The following UBA3 variants were observed in gnomAD, a reference collection of about 807,000 sequenced individuals.
The protein encoded by UBA3 is NEDD8-activating enzyme E1 catalytic subunit.
A neutral mutation model predicts 73.5 loss-of-function variants in UBA3; 26 were observed. The ratio of observed to expected loss-of-function variants is 0.35; its 90% CI spans 0.26 to 0.49. The LOEUF is 0.49. Among genes scored for constraint, UBA3 ranks in the 20% least tolerant of loss-of-function variants. The pLI, the probability that UBA3 is intolerant of heterozygous loss-of-function variation, is 0.98. For synonymous variants in UBA3, 217 were observed against 191.2 expected (o/e 1.13, Z -1.11); for missense variants, 495 against 555.6 (o/e 0.89, Z 1.10).
At chr3:69,074,735 T>C (rs1217759575) in intron 4 of UBA3, among the ~76,000 whole-genome samples, 3 of 152,200 alleles carry the variant, frequency 2.0e-5, no homozygotes, top group African/African-American at 7.2e-5. Flanking sequence ...AGAAAGCGAC[T>C]TTGTGATTAG....
intron 6 of UBA3, among the ~76,000 whole-genome samples, chr3:69,064,988 T>C (rs2092056703): frequency 1.3e-5 from 2 of 152,158 alleles, no homozygotes; most frequent in Admixed American, 6.5e-5. Context: ...CAAATAAAGC[T>C]ATGAACAATA....
intron 2 of UBA3, among the ~76,000 whole-genome samples, chr3:69,078,856 C>T (rs910653474): frequency 6.6e-6 from 1 of 152,156 alleles, no homozygotes; most frequent in Non-Finnish European, 1.5e-5. Flanking sequence ...ATTACAATTA[C>T]GCCACAGATA....
intron 4 of UBA3, among the ~76,000 whole-genome samples, chr3:69,072,817 C>CCTCATT (rs2092131725): frequency 6.6e-6 from 1 of 152,224 alleles, no homozygotes; most frequent in Non-Finnish European, 1.5e-5. Context: ...GCAGTAACTT[C>CCTCATT]CTCATTGCAG....
chr3:69,066,684 G>A (rs576043027), intron 6 of UBA3, among the ~76,000 whole-genome samples: 10 of 151,942 alleles, frequency 6.6e-5, no homozygotes, highest in South Asian at 2.1e-4. Flanking sequence ...CACCCACCTC[G>A]GCCTCCCAAA....
chr3:69,066,506 C>T (rs548899188), intron 6 of UBA3, among the ~76,000 whole-genome samples: 140 of 152,008 alleles, frequency 9.2e-4, no homozygotes, highest in Admixed American at 2.9e-3. Flanking sequence ...TGCAGTAGCG[C>T]AATTTCAGCT....
rs775997106 is a variant in UBA3, at chr3:69,063,466, G to C, written c.510C>G (p.Ile170Met). The C allele has an allele frequency of 1.9e-6, 3 of 1,548,868 alleles. No homozygotes were observed. Among genetic ancestry groups the C allele is most frequent in the Non-Finnish European group, 2.6e-6 (3 of 1,145,944 alleles). ...GCATGCCATTTATCCATCTTCTGGC[G>C]ATGATAGAGTCCAGTCCACATACAA... Reference protein sequence around the residue: ...HIIVCGLDSIIARRWINGMLI... With the variant: ...HIIVCGLDSIMARRWINGMLI... Residue 170 changes from isoleucine to methionine, a missense_variant, in exon 8 of 18, where the codon ATC becomes ATG. Transcript: ENST00000361055.
chr3:69,063,141 G>A lies in UBA3; in HGVS notation c.538-4C>T. 6.2e-7 allele frequency: 1 copy of A among 1,613,320 alleles called. No homozygotes were observed. Among genetic ancestry groups the A allele is most frequent in the Middle Eastern group, 1.7e-4 (1 of 6,054 alleles). ...CTTCATAATTTAGAAGAGATATCTA[G>A]GAAAACAATTTGAAGGGCTTTAAAG... On this transcript the variant is annotated splice_polypyrimidine_tract_variant and splice_region_variant and intron_variant, in intron 8 of 17. Transcript: ENST00000361055.
Position 69,077,821 on chromosome 3 carries a change from G to C in UBA3, c.160C>G (p.Pro54Ala), listed in dbSNP as rs756715446. 3 of 1,612,536 alleles carry C rather than the reference G, an allele frequency of 1.9e-6. No homozygotes were observed. Among genetic ancestry groups the C allele is most frequent in the Non-Finnish European group, 2.5e-6 (3 of 1,179,284 alleles). Reference protein sequence around the residue: ...FLERSGPFTHPDFEPSTESLQ... With the variant: ...FLERSGPFTHADFEPSTESLQ... ...ACTTCAGTGCTCGGTTCGAAATCAG[G>C]GTGTGTGAAGGGTCCAGATCGCTCG... The change falls in exon 3 of 18, where the codon CCT becomes GCT. Residue 54 changes from proline to alanine, a missense_variant. By Grantham distance (27) the Pro-to-Ala change is conservative (BLOSUM62 -1). Transcript: ENST00000361055.
intron 4 of UBA3, among the ~76,000 whole-genome samples, chr3:69,074,319 T>A (rs2092146431): frequency 6.6e-6 from 1 of 152,188 alleles, no homozygotes; most frequent in African/African-American, 2.4e-5. Flanking sequence ...GGTACTGTCA[T>A]TTTGGCATTC....
chr3:69,075,200 G>C (rs2107499981), intron 4 of UBA3: 1 of 192,972 alleles, frequency 5.2e-6, no homozygotes, highest in East Asian at 1.2e-4. Context: ...GAAGAAAACT[G>C]AAGTATGAAA....
chr3:69,056,329 A>G, intron 14 of UBA3, 46 bp from the exon 15 acceptor site: 1 of 1,365,362 alleles, frequency 7.3e-7, no homozygotes, highest in Non-Finnish European at 1.0e-6. Context: ...ATGCACCAAT[A>G]TTAGTCTCTT....
chr3:69,056,553 C>T, intron 14 of UBA3, 59 bp downstream of exon 14: 1 of 1,424,398 alleles, frequency 7.0e-7, no homozygotes, highest in South Asian at 1.2e-5. Flanking sequence ...AATTTCTAAC[C>T]AATAATATTT....
chr3:69,075,893 G>A (rs975410099), intron 3 of UBA3, among the ~76,000 whole-genome samples: 3 of 151,984 alleles, frequency 2.0e-5, no homozygotes, highest in Non-Finnish European at 4.4e-5. Context: ...TACCACACCT[G>A]GCTAATTTTT....
chr3:69,063,217 T>A, intron 8 of UBA3, 80 bp from the exon 9 acceptor site: 2 of 1,552,040 alleles, frequency 1.3e-6, no homozygotes, highest in South Asian at 2.3e-5. Flanking sequence ...AGTAATCCTA[T>A]GAGTCGGTTG....
intron 14 of UBA3, 58 bp downstream of exon 14, chr3:69,056,554 A>G: frequency 7.0e-7 from 1 of 1,434,956 alleles, no homozygotes; most frequent in South Asian, 1.2e-5. Flanking sequence ...ATTTCTAACC[A>G]ATAATATTTA....
chr3:69,057,663 A>C (rs746112167), intron 11 of UBA3, among the ~76,000 whole-genome samples: 1 of 152,212 alleles, frequency 6.6e-6, no homozygotes, highest in Non-Finnish European at 1.5e-5. Flanking sequence ...GATTTTAAAC[A>C]TAAGAAAAGT....
chr3:69,075,639 G>C (rs1343625955), intron 3 of UBA3, 129 bp from the exon 4 acceptor site: 1 of 354,224 alleles, frequency 2.8e-6, no homozygotes, highest in Non-Finnish European at 5.2e-6. Context: ...AGGAGACTTT[G>C]TATTTGCTCA....
rs180765956 is a variant in UBA3, at chr3:69,058,336, C to T, written c.911-1027G>A. ...AATTGTTCATTTTAGAAGACAAAAA[C>T]TTCAAGAAAAAGTAGCCATTTTATC... On this transcript the variant is annotated intron_variant, in intron 11 of 17. Coordinates refer to ENST00000361055, the MANE Select transcript of UBA3 (RefSeq NM_003968.4). 8.5e-5 allele frequency among the ~76,000 whole-genome samples: 13 copies of T among 152,218 alleles called. No individual in the cohort carries two copies. In the East Asian group the frequency reaches 2.5e-3, roughly 29 times the overall value.
chr3:69,078,206 A>G (rs933583065), intron 2 of UBA3, among the ~76,000 whole-genome samples: 12 of 152,158 alleles, frequency 7.9e-5, no homozygotes, highest in Non-Finnish European at 1.8e-4. Flanking sequence ...AACTTAGGAT[A>G]TTGGTCTATT....
Sources: allele counts gnomAD v4.1 joint callset (sites outside exome capture counted in the v4.1 genomes callset), GRCh38; gene constraint gnomAD v4.1.1; transcripts MANE v1.5; gene names NCBI Gene and HGNC (gene_info 2026-07-23, HGNC 2026-07-21).